Variants in DOCK10 observed in about 807,000 individuals in gnomAD.
The protein encoded by DOCK10 is dedicator of cytokinesis 10.
A neutral mutation model predicts 280.1 loss-of-function variants in DOCK10; 145 were observed. The ratio of observed to expected loss-of-function variants is 0.52; its 90% CI spans 0.45 to 0.59. The LOEUF (loss-of-function observed/expected upper bound fraction) is 0.59, where lower values mean the gene tolerates loss of function less well. Ranked by LOEUF, DOCK10 falls within the 20% of genes least tolerant of loss-of-function variation. The pLI, the probability that DOCK10 is intolerant of heterozygous loss-of-function variation, is 0.00. For missense variants in DOCK10, 2,368 were observed against 2,651.7 expected, an observed-to-expected ratio of 0.89 and a Z score of 2.35; for synonymous variants, 915 against 942.2, an observed-to-expected ratio of 0.97 and a Z score of 0.53.
chr2:224,864,783 G>A, intron 12 of DOCK10, 83 bp downstream of exon 12: 1 of 1,585,526 alleles, frequency 6.3e-7, no homozygotes, highest in South Asian at 1.2e-5. Flanking sequence ...TTTTATTCAG[G>A]AAATTGCTCA....
intron 1 of DOCK10, among the ~76,000 whole-genome samples, chr2:225,024,897 AAAAAAG>A (rs1689879149): frequency 6.6e-6 from 1 of 151,876 alleles, no homozygotes; most frequent in African/African-American, 2.4e-5. Flanking sequence ...TCAAAAAGAA[AAAAAAG>A]AAAAAGAAAA....
chr2:225,034,525 C>T lies in DOCK10; in HGVS notation c.123+7727G>A, dbSNP rs557682629. 2.0e-5 allele frequency among the ~76,000 whole-genome samples: 3 copies of T among 152,296 alleles called. No individual in the cohort carries two copies. In the East Asian group the frequency reaches 5.8e-4, roughly 29 times the overall value. ...ACACAAGGGCTGTCATTATCAGATG[C>T]TAACAACCTGGACATTTAAAAGTTA... On this transcript the variant is annotated intron_variant, in intron 1 of 55. Transcript: ENST00000258390.
chr2:224,945,497 C>A (rs1703353439), intron 1 of DOCK10, among the ~76,000 whole-genome samples: 2 of 152,126 alleles, frequency 1.3e-5, no homozygotes, highest in Non-Finnish European at 2.9e-5. Context: ...CAGACACACA[C>A]TCCTGAGATA....
At chr2:224,999,422 A>G (rs952729438) in intron 1 of DOCK10, among the ~76,000 whole-genome samples, 6 of 151,958 alleles carry the variant, frequency 3.9e-5, no homozygotes, top group Admixed American at 2.6e-4. Context: ...GCTCAACTTA[A>G]TAAGATATTA....
chr2:224,866,589 G>T (rs1405682712), intron 11 of DOCK10, among the ~76,000 whole-genome samples: 1 of 152,074 alleles, frequency 6.6e-6, no homozygotes, highest in African/African-American at 2.4e-5. Context: ...AACTTCCATT[G>T]CAGTCAACTA....
In DOCK10 at chr2:224,855,013, A is replaced by G; in HGVS notation, c.1838T>C (p.Ile613Thr). Residue 613 changes from isoleucine to threonine, a missense_variant, in exon 16 of 56, where the codon ATT becomes ACT. Ile to Thr is a moderately conservative substitution (Grantham distance 89). This residue lies in a region of DOCK10 where 1,209 missense variants were observed against 1,250.9 expected (regional missense o/e 0.97). Coordinates refer to ENST00000258390, the MANE Select transcript of DOCK10 (RefSeq NM_014689.3). The part of the protein sequence containing the change: ...RADRISKMQT[I>T]PGSLDIAVDN... ...AACAGCAATATCCAGGCTTCCAGGAATGGTCTGCATTTTGCTTATTCTGTC... is the reference window on the plus strand; with the variant it reads ...AACAGCAATATCCAGGCTTCCAGGAGTGGTCTGCATTTTGCTTATTCTGTC... 6.3e-7 allele frequency: 1 copy of G among 1,598,478 alleles called. No individual in the cohort carries two copies. Among genetic ancestry groups the G allele is most frequent in the East Asian group, 2.3e-5 (1 of 43,924 alleles).
chr2:224,767,093 G>A (rs1487829896), intron 55 of DOCK10, among the ~76,000 whole-genome samples: 2 of 152,150 alleles, frequency 1.3e-5, no homozygotes, highest in Non-Finnish European at 2.9e-5. Flanking sequence ...TTTTAATCAT[G>A]GGGCCTTTAC....
intron 50 of DOCK10, among the ~76,000 whole-genome samples, chr2:224,780,251 G>A (rs539665748): frequency 6.6e-6 from 1 of 152,150 alleles, no homozygotes; most frequent in Non-Finnish European, 1.5e-5. Flanking sequence ...GGGGTAGTGA[G>A]GTCTGACTCC....
chr2:224,974,527 T>G (rs1705290024), intron 1 of DOCK10, among the ~76,000 whole-genome samples: 1 of 152,006 alleles, frequency 6.6e-6, no homozygotes, highest in Admixed American at 6.6e-5. Flanking sequence ...TTTTATTATA[T>G]TGAAGCCTGG....
chr2:224,928,527 G>T (rs775445974), intron 2 of DOCK10, among the ~76,000 whole-genome samples: 1 of 152,064 alleles, frequency 6.6e-6, no homozygotes, highest in East Asian at 1.9e-4. Context: ...TAGGCAGCAG[G>T]TCACCCATGG....
intron 1 of DOCK10, among the ~76,000 whole-genome samples, chr2:224,936,899 C>G (rs965043351): frequency 6.6e-6 from 1 of 152,118 alleles, no homozygotes; most frequent in Admixed American, 6.6e-5. Context: ...TGTTTACCCT[C>G]TGAAAATCCA....
rs771325130 is a variant in DOCK10 at position 224,844,835 on chromosome 2, C to A, written c.2486G>T (p.Gly829Val). 2 of 1,604,876 alleles carry A rather than the reference C, an allele frequency of 1.2e-6. No homozygotes were observed. The highest frequency in any genetic ancestry group is 8.5e-7 in the Non-Finnish European group (1 of 1,174,868). The change falls in exon 22 of 56, where the codon GGT becomes GTT. Residue 829 changes from glycine to valine, a missense_variant. By Grantham distance (109) the Gly-to-Val change is moderately radical. Transcript: ENST00000258390. ...ATCAACCCATTTAATGTCACTCCCA[C>A]CATGCTGCAAAATAAAGTTTGTTTA... ...SFQDSASGKH[G>V]GSDIKWVDGG... is the part of the protein sequence containing the mutation.
At chr2:224,951,719 T>G (rs951144513) in intron 1 of DOCK10, among the ~76,000 whole-genome samples, 1 of 152,202 alleles carries the variant, frequency 6.6e-6, no homozygotes, top group Non-Finnish European at 1.5e-5. Flanking sequence ...ACTCTCTGCT[T>G]GGAGAACCAC....
intron 1 of DOCK10, among the ~76,000 whole-genome samples, chr2:224,971,331 T>G (rs1255775145): frequency 2.7e-4 from 36 of 134,428 alleles, no homozygotes; most frequent in African/African-American, 5.5e-4. Context: ...GGAGGGGAGG[T>G]GGGTGGAGTG....
At chr2:225,013,882 CAG>C (rs1689512172) in intron 1 of DOCK10, among the ~76,000 whole-genome samples, 1 of 151,936 alleles carries the variant, frequency 6.6e-6, no homozygotes, top group East Asian at 1.9e-4. Flanking sequence ...GTGTGAGTGA[CAG>C]AGAGAGAAGG....
intron 48 of DOCK10, 149 bp from the exon 49 acceptor site, chr2:224,787,546 T>A: frequency 2.1e-6 from 2 of 971,202 alleles, no homozygotes; most frequent in South Asian, 3.1e-5. Flanking sequence ...TCATCTTGGA[T>A]TCTTGCCTAT....
intron 1 of DOCK10, among the ~76,000 whole-genome samples, chr2:224,949,265 G>A (rs1703598845): frequency 6.6e-6 from 1 of 152,144 alleles, no homozygotes; most frequent in Non-Finnish European, 1.5e-5. Flanking sequence ...TTTAGTTTTA[G>A]AAACATATTG....
At chr2:224,922,037 T>G (rs1181472488) in intron 2 of DOCK10, among the ~76,000 whole-genome samples, 1 of 150,530 alleles carries the variant, frequency 6.6e-6, no homozygotes, top group Non-Finnish European at 1.5e-5. Flanking sequence ...GAGAATCGCT[T>G]GAACCCGGGT....
chr2:224,849,265 T>G (rs1406712061), intron 19 of DOCK10, among the ~76,000 whole-genome samples: 1 of 152,244 alleles, frequency 6.6e-6, no homozygotes, highest in Non-Finnish European at 1.5e-5. Context: ...TGAGCCACTA[T>G]ACCCGGCCAG....
Sources: allele counts gnomAD v4.1 joint callset (sites outside exome capture counted in the v4.1 genomes callset), GRCh38; gene constraint gnomAD v4.1.1; regional missense constraint gnomAD v4.1.1; transcripts MANE v1.5; gene names NCBI Gene and HGNC (gene_info 2026-07-23, HGNC 2026-07-21).